Variants in ALG14 observed in about 807,000 individuals in gnomAD.
The protein encoded by ALG14 is ALG14 UDP-N-acetylglucosaminyltransferase subunit.
A neutral mutation model predicts 22.8 loss-of-function variants in ALG14; 17 were observed. The ratio of observed to expected loss-of-function variants is 0.75; its 90% CI spans 0.51 to 1.12. The LOEUF is 1.12. ALG14 is among the 50% of genes most tolerant of loss of function. The probability of loss-of-function intolerance (pLI) is 0.00; values close to 1 mark genes in which losing one functional copy is unlikely to be tolerated. For synonymous variants in ALG14, 89 were observed against 103.7 expected, an observed-to-expected ratio of 0.86 and a Z score of 0.86; for missense variants, 288 against 271.8, an observed-to-expected ratio of 1.06 and a Z score of -0.42.
intron 3 of ALG14, among the ~76,000 whole-genome samples, chr1:95,009,104 T>C (rs1322830841): frequency 1.3e-5 from 2 of 152,140 alleles, no homozygotes; most frequent in African/African-American, 4.8e-5. Flanking sequence ...ATAATGCTGC[T>C]ATGAATACTG....
intron 1 of ALG14, among the ~76,000 whole-genome samples, chr1:95,066,762 G>A (rs1016046997): frequency 2.6e-5 from 4 of 151,932 alleles, no homozygotes; most frequent in South Asian, 2.1e-4. Context: ...GGCCAGGTGC[G>A]GTGGCTCATG....
At chr1:95,030,607 A>G (rs1673969233) in intron 2 of ALG14, among the ~76,000 whole-genome samples, 1 of 152,236 alleles carries the variant, frequency 6.6e-6, no homozygotes, top group Non-Finnish European at 1.5e-5. Context: ...GCAATGAACA[A>G]CATTTCTGGA....
chr1:95,027,160 A>T lies in ALG14; in HGVS notation c.389T>A (p.Phe130Tyr), dbSNP rs150452802. The change falls in exon 3 of 4, where the codon TTT becomes TAT. Residue 130 changes from phenylalanine (F) to tyrosine (Y), a missense_variant. Phe to Tyr is a conservative substitution (Grantham distance 22). Transcript: ENST00000370205. ...FTTLHSMWLS[F>Y]PLIHRVKPDL... is the part of the protein sequence containing the mutation. ...TGGCTTCACCCTGTGAATTAGGGGA[A>T]AGGAGAGCCACATGGAGTGCAAGGT... The T allele has an allele frequency of 4.3e-6, 7 of 1,614,010 alleles. No individual in the cohort carries two copies. In the African/African-American group the frequency reaches 8.0e-5, roughly 18 times the overall value.
At chr1:95,025,063 A>T (rs1673772604) in intron 3 of ALG14, among the ~76,000 whole-genome samples, 2 of 152,234 alleles carry the variant, frequency 1.3e-5, no homozygotes, top group Non-Finnish European at 2.9e-5. Context: ...TTCTTAAATA[A>T]TAAAACTTGC....
intron 3 of ALG14, among the ~76,000 whole-genome samples, chr1:95,016,942 GGTGTGTGTGTGTGTGTGTGTGTGTGTGT>G (rs55962309): frequency 1.5e-5 from 2 of 129,296 alleles, no homozygotes; most frequent in Non-Finnish European, 3.2e-5. Flanking sequence ...TTGCAAAAGG[GGTGTGTGTGTGTGTGTGTGTGTGTGTGT>G]GTGTGTGTGT....
At chr1:95,019,699 G>A (rs1673603631) in intron 3 of ALG14, among the ~76,000 whole-genome samples, 1 of 152,190 alleles carries the variant, frequency 6.6e-6, no homozygotes, top group African/African-American at 2.4e-5. Flanking sequence ...GCGATAACCT[G>A]GCCGGGCACA....
intron 3 of ALG14, among the ~76,000 whole-genome samples, chr1:95,025,608 T>A (rs545361072): frequency 6.6e-6 from 1 of 152,368 alleles, no homozygotes; most frequent in East Asian, 1.9e-4. Flanking sequence ...GCCACCTTAA[T>A]CAATTATCTT....
chr1:95,030,907 A>G (rs1673979400), intron 2 of ALG14, among the ~76,000 whole-genome samples: 1 of 152,224 alleles, frequency 6.6e-6, no homozygotes, highest in Non-Finnish European at 1.5e-5. Context: ...AGGGACCTCC[A>G]ATATATAAAA....
Position 94,978,786 on chromosome 1 carries a change from G to T in ALG14, c.*4290C>A. Reference sequence around the variant, plus strand: ...TAGAACACCAACTACCTTCTACTCCGTCATAGTACCCTGTTACCCCATTTA... The same window carrying T: ...TAGAACACCAACTACCTTCTACTCCTTCATAGTACCCTGTTACCCCATTTA... On this transcript the variant is annotated 3_prime_UTR_variant, in exon 4 of 4. Coordinates refer to ENST00000370205, the MANE Select transcript of ALG14 (RefSeq NM_144988.4). 1 of 150,552 alleles carries T rather than the reference G, an allele frequency of 6.6e-6. No homozygotes were observed. The highest frequency in any genetic ancestry group is 2.5e-5 in the African/African-American group (1 of 40,678). The allele number at this position is 150,552 out of a possible 1,614,324, so 9.3% of individuals were successfully genotyped here. A position where few individuals can be genotyped will look rare whatever the true frequency, so the allele number is the denominator to read the frequency against.
At chr1:95,058,659 C>A in intron 2 of ALG14, among the ~76,000 whole-genome samples, 1 of 141,104 alleles carries the variant, frequency 7.1e-6, no homozygotes, top group Admixed American at 7.1e-5. Flanking sequence ...GCTGAAAAGA[C>A]TCTGGAAATA....
chr1:95,029,726 G>A (rs1166123401), intron 2 of ALG14, among the ~76,000 whole-genome samples: 1 of 152,162 alleles, frequency 6.6e-6, no homozygotes, highest in Non-Finnish European at 1.5e-5. Context: ...GAGAACATGA[G>A]TGCAGTTCTT....
intron 2 of ALG14, among the ~76,000 whole-genome samples, chr1:95,059,915 G>A (rs1675075731): frequency 6.6e-6 from 1 of 151,964 alleles, no homozygotes; most frequent in African/African-American, 2.4e-5. Flanking sequence ...GGTTCTTCCA[G>A]CAAATGTATT....
Position 94,978,805 on chromosome 1 carries a change from C to T in ALG14, c.*4271G>A, listed in dbSNP as rs999609864. On this transcript the variant is annotated 3_prime_UTR_variant, in exon 4 of 4. Coordinates refer to ENST00000370205, the MANE Select transcript of ALG14 (RefSeq NM_144988.4). Reference sequence around the variant, plus strand: ...TACTCCGTCATAGTACCCTGTTACCCCATTTATTTCCTTTTGAGGACATTT... The same window carrying T: ...TACTCCGTCATAGTACCCTGTTACCTCATTTATTTCCTTTTGAGGACATTT... 8 of 150,960 alleles carry T rather than the reference C, an allele frequency of 5.3e-5. No homozygotes were observed. The highest frequency in any genetic ancestry group is 2.0e-4 in the African/African-American group (8 of 40,836). The allele number at this position is 150,960 out of a possible 1,614,324, so 9.4% of individuals were successfully genotyped here.
chr1:95,015,657 G>A (rs990625356), intron 3 of ALG14, among the ~76,000 whole-genome samples: 7 of 152,208 alleles, frequency 4.6e-5, no homozygotes, highest in Non-Finnish European at 5.9e-5. Flanking sequence ...TGGTGGTCCA[G>A]CAGGACAGAG....
intron 3 of ALG14, among the ~76,000 whole-genome samples, 189 bp downstream of exon 3, chr1:95,026,940 A>G (rs1277093230): frequency 6.6e-6 from 1 of 152,198 alleles, no homozygotes; most frequent in Non-Finnish European, 1.5e-5. Flanking sequence ...GCTTATAAAG[A>G]ACTGATATTT....
At chr1:95,062,356 C>T (rs1350282357) in intron 2 of ALG14, among the ~76,000 whole-genome samples, 4 of 152,044 alleles carry the variant, frequency 2.6e-5, no homozygotes, top group Non-Finnish European at 5.9e-5. Flanking sequence ...CACAGGTAAA[C>T]GTGTGCCATG....
intron 2 of ALG14, among the ~76,000 whole-genome samples, chr1:95,034,485 G>A (rs1408060121): frequency 1.3e-5 from 2 of 152,196 alleles, no homozygotes. Context: ...TCTAGTCCAT[G>A]CTGGATGGTG....
At chr1:95,041,374 A>G (rs1172211005) in intron 2 of ALG14, 1 of 152,184 alleles carries the variant, frequency 6.6e-6, no homozygotes, top group Non-Finnish European at 1.5e-5. Context: ...AGTTACAAAC[A>G]TTTCTTTCAG....
intron 3 of ALG14, 32 bp from the exon 4 acceptor site, chr1:94,983,338 T>C (rs984602686): frequency 1.3e-6 from 2 of 1,574,248 alleles, no homozygotes; most frequent in African/African-American, 2.7e-5. Context: ...CAAATGAAAA[T>C]ACAGAATAAT....
Sources: gnomAD v4.1 joint callset for allele counts (sites outside exome capture counted in the v4.1 genomes callset) on GRCh38, gnomAD v4.1.1 for gene constraint, MANE v1.5 for transcripts, NCBI Gene and HGNC (gene_info 2026-07-23, HGNC 2026-07-21) for gene names.